Variants in HEATR3 observed in about 807,000 individuals in gnomAD.
The protein encoded by HEATR3 is HEAT repeat containing 3.
A neutral mutation model predicts 72.8 loss-of-function variants in HEATR3; 56 were observed. The observed-to-expected ratio is 0.77, with a 90% confidence interval of 0.62 to 0.96. The LOEUF is 0.96. HEATR3 is among the 40% of genes least tolerant of loss of function. HEATR3 has a pLI of 0.00. For missense variants in HEATR3, 747 were observed against 831.4 expected (o/e 0.90, Z 1.25); for synonymous variants, 331 against 318.1 (o/e 1.04, Z -0.43).
rs1400172212 is a variant in HEATR3, at chr16:50,070,304, C to T, written c.512+14C>T. The T allele has an allele frequency of 2.3e-6, 3 of 1,291,060 alleles. No homozygotes were observed. Among genetic ancestry groups the T allele is most frequent in the Non-Finnish European group, 3.4e-6 (3 of 889,172 alleles). 80.0% of individuals were successfully genotyped at this position (1,291,060 alleles called of 1,614,324 possible). ...GTGGAATATATGGTAAGATGCCTAC[C>T]AAACACAGTCTCCTGCTATAGCAGT... On this transcript the variant is annotated intron_variant, in intron 4 of 14. Transcript: ENST00000299192.
At position 50,067,453 on chromosome 16, in the gene HEATR3, A is replaced by G. The variant is rs1049058179; in HGVS notation, c.311+914A>G. Among the ~76,000 whole-genome samples, 8 of 152,186 alleles carry G rather than the reference A, an allele frequency of 5.3e-5. 1 individual carries two copies. Among genetic ancestry groups the G allele is most frequent in the Admixed American group, 4.6e-4 (7 of 15,284 alleles). ...GAAAATAGGGGGAAGAATATTCCCCACAAAGGGAGCAGCAACAGCAAAGAA... is the reference window on the plus strand; with the variant it reads ...GAAAATAGGGGGAAGAATATTCCCCGCAAAGGGAGCAGCAACAGCAAAGAA... On this transcript the variant is annotated intron_variant, in intron 2 of 14. Transcript: ENST00000299192.
intron 5 of HEATR3, chr16:50,074,323 C>G (rs1389594993): frequency 6.7e-6 from 1 of 148,500 alleles, no homozygotes; most frequent in Non-Finnish European, 1.5e-5. Context: ...TTGATAAGTA[C>G]ATAAATTGAG....
intron 14 of HEATR3, 22 bp from the exon 15 acceptor site, chr16:50,104,917 A>ATTTTTTG: frequency 6.4e-7 from 1 of 1,565,742 alleles, no homozygotes; most frequent in Non-Finnish European, 8.6e-7. Context: ...GTCATATATG[A>ATTTTTTG]TTTTTTGTTT....
intron 6 of HEATR3, among the ~76,000 whole-genome samples, chr16:50,076,409 A>G (rs1230509669): frequency 6.6e-6 from 1 of 151,984 alleles, no homozygotes. Flanking sequence ...GCTGGTCTTG[A>G]GCTCGGGACC....
At chr16:50,066,301 G>A in intron 1 of HEATR3, 32 bp downstream of exon 1, 4 of 1,576,774 alleles carry the variant, frequency 2.5e-6, no homozygotes, top group Middle Eastern at 1.7e-4. Context: ...GCCGGGAGGC[G>A]AGACGAGGTT....
At chr16:50,081,752 A>G (rs766799426) in intron 7 of HEATR3, among the ~76,000 whole-genome samples, 4 of 152,224 alleles carry the variant, frequency 2.6e-5, no homozygotes, top group Non-Finnish European at 5.9e-5. Flanking sequence ...CCACAAAGAT[A>G]TAAAGGAAGA....
At chr16:50,093,120 T>C (rs2037156631) in intron 11 of HEATR3, among the ~76,000 whole-genome samples, 1 of 152,098 alleles carries the variant, frequency 6.6e-6, no homozygotes, top group South Asian at 2.1e-4. Flanking sequence ...ATAATACATA[T>C]CTGAAAATGA....
intron 5 of HEATR3, chr16:50,074,655 A>T (rs2036683193): frequency 6.6e-6 from 1 of 151,584 alleles, no homozygotes. Flanking sequence ...ATAAACTTTT[A>T]TAAACATTTA....
chr16:50,097,196 T>G (rs2037259098), intron 12 of HEATR3, among the ~76,000 whole-genome samples: 1 of 152,110 alleles, frequency 6.6e-6, no homozygotes, highest in African/African-American at 2.4e-5. Context: ...TATAAAATAG[T>G]GATGCTGAGA....
In HEATR3 at chr16:50,075,479, A is replaced by T; in HGVS notation, c.623-92A>T. 3.4e-6 allele frequency: 4 copies of T among 1,185,360 alleles called. No individual in the cohort carries two copies. In the South Asian group the frequency reaches 4.0e-5, roughly 12 times the overall value. 73.4% of individuals were successfully genotyped at this position (1,185,360 alleles called of 1,614,324 possible). A position where few individuals can be genotyped will look rare whatever the true frequency, so the allele number is the denominator to read the frequency against. On this transcript the variant is annotated intron_variant, in intron 5 of 14. Transcript: ENST00000299192. The stretch of plus-strand genomic sequence containing the variant: ...ACCTACATGTGTCTAATGAAGTGGT[A>T]ATGATACAATGTTTTATTGATGAGT...
Position 50,066,216 on chromosome 16 carries a change from AATGGG to A in HEATR3, c.87_91del (p.Gly30ArgfsTer82). The A allele has an allele frequency of 6.3e-7, 1 of 1,578,104 alleles. No homozygotes were observed. Among genetic ancestry groups the A allele is most frequent in the Non-Finnish European group, 8.6e-7 (1 of 1,163,668 alleles). ...TCAGGCCGAGGCGGCTGCGGCGGCG[AATGGG>A]ACCGGAGGCGAGGAGGACGACGGGC... On this transcript the variant is annotated frameshift_variant, in exon 1 of 15. Coordinates refer to ENST00000299192, the MANE Select transcript of HEATR3 (RefSeq NM_182922.4). LOFTEE classifies it high-confidence loss of function.
intron 4 of HEATR3, among the ~76,000 whole-genome samples, chr16:50,070,768 C>G (rs888490896): frequency 6.6e-6 from 1 of 152,070 alleles, no homozygotes; most frequent in African/African-American, 2.4e-5. Flanking sequence ...CTTCCCAGTC[C>G]GTTTTCTTAC....
Position 50,073,047 on chromosome 16 carries a change from G to C in HEATR3, c.622+333G>C, listed in dbSNP as rs79440362. On this transcript the variant is annotated intron_variant, in intron 5 of 14. Transcript: ENST00000299192. ...AGAAACAGTAACGCACAACTACCAGGCCTTTAAGCCAGTTAATTGGAATCT... is the reference window on the plus strand; with the variant it reads ...AGAAACAGTAACGCACAACTACCAGCCCTTTAAGCCAGTTAATTGGAATCT... 680 of 235,560 alleles carry C rather than the reference G, an allele frequency of 2.9e-3. 3 individuals are homozygous for C. The highest frequency in any genetic ancestry group is 0.015 in the African/African-American group (650 of 43,034). The allele number at this position is 235,560 out of a possible 1,614,324, so 14.6% of individuals were successfully genotyped here.
intron 12 of HEATR3, among the ~76,000 whole-genome samples, chr16:50,096,188 G>C (rs1304702006): frequency 6.6e-6 from 1 of 151,938 alleles, no homozygotes; most frequent in Non-Finnish European, 1.5e-5. Context: ...AGCTGGGCAT[G>C]GTGGCGCACT....
rs778538340 is a variant in HEATR3, at chr16:50,066,345, C to G, written c.139-22C>G. On this transcript the variant is annotated intron_variant, in intron 1 of 14. Coordinates refer to ENST00000299192, the MANE Select transcript of HEATR3 (RefSeq NM_182922.4). ...CGCGTGCGCATTGCGCGCCTTCTGA[C>G]CCTTTTCGCTCTCATCCGCAGCTCC... The G allele has an allele frequency of 3.2e-4, 497 of 1,560,212 alleles. 1 individual carries two copies. The highest frequency in any genetic ancestry group is 1.4e-3 in the Middle Eastern group (8 of 5,890).
chr16:50,066,713 G>A, intron 2 of HEATR3, 174 bp downstream of exon 2: 1 of 540,250 alleles, frequency 1.9e-6, no homozygotes, highest in Non-Finnish European at 2.8e-6. Flanking sequence ...CAGTATCCCC[G>A]CATCTCATCT....
chr16:50,066,425 T>C lies in HEATR3; in HGVS notation c.197T>C (p.Val66Ala). 1 of 1,481,460 alleles carries C rather than the reference T, an allele frequency of 6.8e-7. No individual in the cohort carries two copies. The highest frequency in any genetic ancestry group is 8.9e-7 in the Non-Finnish European group (1 of 1,129,698). The allele number at this position is 1,481,460 out of a possible 1,614,324, so 91.8% of individuals were successfully genotyped here. Reference sequence around the variant, plus strand: ...GCCTGCGCAGGGCTGGCCCGGCTGGTGCAGCAGCGGCCGGCACTCCCGGGC... The same window carrying C: ...GCCTGCGCAGGGCTGGCCCGGCTGGCGCAGCAGCGGCCGGCACTCCCGGGC... ...ECACAGLARL[V>A]QQRPALPGLA... The change falls in exon 2 of 15, where the codon GTG becomes GCG. Residue 66 changes from valine (V) to alanine (A), a missense_variant. Physicochemically the swap from Val to Ala is moderately conservative, Grantham distance 64. Transcript: ENST00000299192.
At position 50,102,402 on chromosome 16, in the gene HEATR3, T is replaced by C; in HGVS notation, c.1887T>C (p.Ala629=). 6.2e-7 allele frequency: 1 copy of C among 1,613,910 alleles called. No homozygotes were observed. The highest frequency in any genetic ancestry group is 8.5e-7 in the Non-Finnish European group (1 of 1,179,964). ...CGATTCAAATTAAATTATTATCTGC[T>C]CTGAAAGAATTCCAGCCGGTCTTTA... The part of the protein sequence containing the change: ...RASIQIKLLS[A]LKEFQPVFKM... The change falls in exon 14 of 15, where the codon GCT becomes GCC. Residue 629 remains alanine (A), a synonymous_variant. Coordinates refer to ENST00000299192, the MANE Select transcript of HEATR3 (RefSeq NM_182922.4).
intron 6 of HEATR3, among the ~76,000 whole-genome samples, chr16:50,077,876 A>ATTTT (rs2036772245): frequency 8.7e-5 from 1 of 11,450 alleles, no homozygotes; most frequent in African/African-American, 3.2e-4. Flanking sequence ...AAATGGATGT[A>ATTTT]ATTTTTTTTT....
Sources: allele counts gnomAD v4.1 joint callset (sites outside exome capture counted in the v4.1 genomes callset), GRCh38; gene constraint gnomAD v4.1.1; transcripts MANE v1.5; gene names NCBI Gene and HGNC (gene_info 2026-07-23, HGNC 2026-07-21).